The following TMEM135 variants were observed in gnomAD, a reference collection of about 807,000 sequenced individuals.
TMEM135 encodes the protein transmembrane protein 135.
Under a neutral mutation model 60.3 loss-of-function variants are expected in TMEM135, and 30 were observed. The ratio of observed to expected loss-of-function variants is 0.50; its 90% confidence interval spans 0.37 to 0.68. The LOEUF is 0.68. TMEM135 is among the 30% of genes least tolerant of loss of function. TMEM135 has a pLI of 0.00. For synonymous variants in TMEM135, 190 were observed against 186.7 expected (o/e 1.02, Z -0.14); for missense variants, 468 against 548.8 (o/e 0.85, Z 1.47).
chr11:87,304,221 A>G (rs1366711673), intron 8 of TMEM135, among the ~76,000 whole-genome samples: 1 of 152,136 alleles, frequency 6.6e-6, no homozygotes, highest in Non-Finnish European at 1.5e-5. Context: ...AAATTTAAAA[A>G]TTAGCTAGGA....
intron 6 of TMEM135, among the ~76,000 whole-genome samples, chr11:87,278,140 T>C (rs1407809898): frequency 6.6e-6 from 1 of 152,134 alleles, no homozygotes; most frequent in African/African-American, 2.4e-5. Context: ...TCCTCAGGCT[T>C]TTACCTTGTA....
At chr11:87,113,821 C>T (rs1857812111) in intron 4 of TMEM135, among the ~76,000 whole-genome samples, 1 of 151,942 alleles carries the variant, frequency 6.6e-6, no homozygotes, top group Non-Finnish European at 1.5e-5. Flanking sequence ...TACTGTTATG[C>T]CTCCATTTTC....
At chr11:87,097,752 G>C (rs1857363057) in intron 4 of TMEM135, among the ~76,000 whole-genome samples, 1 of 152,072 alleles carries the variant, frequency 6.6e-6, no homozygotes, top group Non-Finnish European at 1.5e-5. Flanking sequence ...CTTGCTGTTC[G>C]CTCTGTTTTG....
At chr11:87,125,485 A>G (rs1489792296) in intron 4 of TMEM135, among the ~76,000 whole-genome samples, 1 of 152,186 alleles carries the variant, frequency 6.6e-6, no homozygotes, top group Non-Finnish European at 1.5e-5. Context: ...TGTAATGAAT[A>G]ATAAGTAAAC....
intron 1 of TMEM135, among the ~76,000 whole-genome samples, chr11:87,047,721 G>T (rs1206619075): frequency 8.2e-6 from 1 of 122,058 alleles, no homozygotes; most frequent in African/African-American, 3.4e-5. Flanking sequence ...ACTGCAAGGC[G>T]GCAACGAGGC....
intron 4 of TMEM135, among the ~76,000 whole-genome samples, chr11:87,105,443 C>T (rs528852874): frequency 2.0e-5 from 3 of 152,074 alleles, no homozygotes; most frequent in South Asian, 4.2e-4. Context: ...CTCCCACGGA[C>T]CCACCCCGCC....
chr11:87,282,819 T>C (rs1942085912), intron 6 of TMEM135, among the ~76,000 whole-genome samples: 1 of 152,206 alleles, frequency 6.6e-6, no homozygotes, highest in Non-Finnish European at 1.5e-5. Flanking sequence ...TCTTAATCTA[T>C]ATAATATAAT....
At chr11:87,163,354 A>G (rs1440024208) in intron 5 of TMEM135, among the ~76,000 whole-genome samples, 3 of 144,146 alleles carry the variant, frequency 2.1e-5, no homozygotes, top group Non-Finnish European at 4.5e-5. Flanking sequence ...ATGTCCCTAC[A>G]AAGGACATGA....
chr11:87,131,017 CTTTA>C (rs145719148), intron 4 of TMEM135, among the ~76,000 whole-genome samples: 2 of 149,906 alleles, frequency 1.3e-5, no homozygotes, highest in African/African-American at 2.5e-5. Flanking sequence ...ACAAATTAGG[CTTTA>C]TTTATTTATT....
chr11:87,042,320 C>A (rs972754380), intron 1 of TMEM135, among the ~76,000 whole-genome samples: 2 of 152,142 alleles, frequency 1.3e-5, no homozygotes, highest in Non-Finnish European at 2.9e-5. Flanking sequence ...GAGTATGGGG[C>A]AGGACCCTCT....
intron 4 of TMEM135, among the ~76,000 whole-genome samples, chr11:87,138,114 T>G (rs2135241611): frequency 6.8e-6 from 1 of 146,496 alleles, no homozygotes; most frequent in South Asian, 2.2e-4. Context: ...CCTTTTAGAC[T>G]GAGTCTCGCT....
intron 3 of TMEM135, among the ~76,000 whole-genome samples, chr11:87,080,057 G>C (rs933351703): frequency 6.6e-6 from 1 of 151,324 alleles, no homozygotes; most frequent in African/African-American, 2.4e-5. Flanking sequence ...GGCCAGGCTG[G>C]TCTCGAACTC....
At chr11:87,274,343 C>G (rs1016962091) in intron 6 of TMEM135, among the ~76,000 whole-genome samples, 6 of 152,188 alleles carry the variant, frequency 3.9e-5, no homozygotes, top group Non-Finnish European at 5.9e-5. Flanking sequence ...TTTGAAATGT[C>G]TTCACAAATG....
At chr11:87,185,479 T>G (rs775831316) in intron 5 of TMEM135, among the ~76,000 whole-genome samples, 3 of 151,798 alleles carry the variant, frequency 2.0e-5, no homozygotes, top group Non-Finnish European at 4.4e-5. Flanking sequence ...CAGTAATAGA[T>G]CTAGAGGCTT....
At chr11:87,320,252 T>C (rs915972461) in intron 14 of TMEM135, among the ~76,000 whole-genome samples, 70 of 152,180 alleles carry the variant, frequency 4.6e-4, no homozygotes, top group African/African-American at 1.7e-3. Flanking sequence ...TACAAAGGGG[T>C]TAGATAGCTT....
chr11:87,269,339 CT>C (rs200604132), intron 6 of TMEM135, among the ~76,000 whole-genome samples: 29 of 70,722 alleles, frequency 4.1e-4, no homozygotes, highest in South Asian at 9.2e-4. Context: ...GATTTCTTTT[CT>C]TTTTTTTTTA....
rs1396041872 is a variant in TMEM135, at chr11:87,324,532, T to TC, written c.*3203dup. On this transcript the variant is annotated 3_prime_UTR_variant, in exon 15 of 15. Coordinates refer to ENST00000305494, the MANE Select transcript of TMEM135 (RefSeq NM_022918.4). ...AAATTCCTTGGTTCAAGCAATTATT[T>TC]CCCCTCAGTCTCTAATAGCTGGGAC... 2.2e-6 allele frequency: 1 copy of TC among 453,302 alleles called. No individual in the cohort carries two copies. Among genetic ancestry groups the TC allele is most frequent in the Non-Finnish European group, 4.4e-6 (1 of 226,656 alleles). 28.1% of individuals were successfully genotyped at this position (453,302 alleles called of 1,614,324 possible).
chr11:87,129,635 G>C (rs1028475959), intron 4 of TMEM135, among the ~76,000 whole-genome samples: 2 of 150,084 alleles, frequency 1.3e-5, no homozygotes, highest in African/African-American at 4.9e-5. Flanking sequence ...CTGCCCCCCG[G>C]GTTCAAGCAA....
intron 4 of TMEM135, among the ~76,000 whole-genome samples, chr11:87,130,034 G>T (rs1243401413): frequency 3.3e-5 from 5 of 151,896 alleles, no homozygotes; most frequent in African/African-American, 7.3e-5. Flanking sequence ...ATAAATTGAG[G>T]CAAGTTCTTC....
Sources: gnomAD v4.1 joint callset for allele counts (sites outside exome capture counted in the v4.1 genomes callset) on GRCh38, gnomAD v4.1.1 for gene constraint, MANE v1.5 for transcripts, NCBI Gene and HGNC (gene_info 2026-07-23, HGNC 2026-07-21) for gene names.